The following NAV3 variants were observed in gnomAD, a reference collection of about 807,000 sequenced individuals.
NAV3 encodes pore membrane and/or filament interacting like protein 1.
In NAV3, 87 loss-of-function variants were observed where a neutral mutation model predicts 244.7. The ratio of observed to expected loss-of-function variants is 0.36; its 90% CI spans 0.30 to 0.42. NAV3 has a LOEUF of 0.42. Among genes scored for constraint, NAV3 ranks in the 20% least tolerant of loss-of-function variants. The pLI, the probability that NAV3 is intolerant of heterozygous loss-of-function variation, is 1.00. For missense variants in NAV3, 2,663 were observed against 2,893.3 expected, an observed-to-expected ratio of 0.92 and a Z score of 1.83; for synonymous variants, 1,126 against 1,042.2, an observed-to-expected ratio of 1.08 and a Z score of -1.55.
At chr12:78,198,583 T>G in intron 35 of NAV3, 22 bp from the exon 36 acceptor site, 1 of 1,442,696 alleles carries the variant, frequency 6.9e-7, no homozygotes, top group Non-Finnish European at 9.6e-7. Flanking sequence ...TAAATTAAAA[T>G]TTTCTATTTA....
At chr12:77,613,711 A>T (rs1229280275) in intron 2 of NAV3, among the ~76,000 whole-genome samples, 1 of 152,088 alleles carries the variant, frequency 6.6e-6, no homozygotes, top group Non-Finnish European at 1.5e-5. Flanking sequence ...TGGCCTTTTC[A>T]TAGTATAAAC....
intron 12 of NAV3, among the ~76,000 whole-genome samples, chr12:78,098,508 A>G (rs1037103633): frequency 2.6e-5 from 4 of 151,932 alleles, no homozygotes; most frequent in African/African-American, 9.7e-5. Flanking sequence ...AGGGATTCTC[A>G]CCTTTCAAAC....
At chr12:77,952,827 G>A (rs1281029251) in intron 3 of NAV3, among the ~76,000 whole-genome samples, 2 of 152,070 alleles carry the variant, frequency 1.3e-5, no homozygotes, top group East Asian at 3.8e-4. Context: ...GTGGTCTTGT[G>A]AAACAAATAA....
chr12:77,791,859 CTTA>C (rs1871191010), intron 2 of NAV3, among the ~76,000 whole-genome samples: 1 of 152,190 alleles, frequency 6.6e-6, no homozygotes, highest in Non-Finnish European at 1.5e-5. Context: ...CATTCTGTGA[CTTA>C]TTATAAGTAA....
chr12:77,913,737 T>G (rs927238012), intron 1 of NAV3, among the ~76,000 whole-genome samples: 1 of 152,140 alleles, frequency 6.6e-6, no homozygotes, highest in African/African-American at 2.4e-5. Context: ...TTTTACAGTC[T>G]CTCACTTAAG....
At position 77,691,329 on chromosome 12, in the gene NAV3, G is replaced by GTGTATATATA. The variant is rs1555195177; in HGVS notation, c.72+119064_72+119065insGTATATATAT. Among the ~76,000 whole-genome samples the GTGTATATATA allele has an allele frequency of 1.6e-3, 106 of 66,702 alleles. 2 individuals carry two copies. Among genetic ancestry groups the GTGTATATATA allele is most frequent in the Admixed American group, 2.5e-3 (13 of 5,142 alleles). 43.8% of individuals were successfully genotyped at this position (66,702 alleles called of 152,430 possible). ...TATATAGTCATATATAAGTATTTGT[G>GTGTATATATA]TATGTGTGTATATATATATATATAT... On this transcript the variant is annotated intron_variant, in intron 2 of 8. Transcript: ENST00000550042.
At position 78,021,762 on chromosome 12, in the gene NAV3, T is replaced by C. The variant is rs200251820; in HGVS notation, c.1923T>C (p.Asn641=). 134 of 1,607,948 alleles carry C rather than the reference T, an allele frequency of 8.3e-5. No individual in the cohort carries two copies. The African/African-American group carries it at 1.3e-3, about 16-fold the overall frequency. ...TTAATTTCAGGGCACATTCAGAAAA[T>C]GAAGGTACCGCTTTACCATCGGCTG... ...APFIYRAHSE[N]EGTALPSADS... is the part of the protein sequence containing the mutation. Residue 641 remains asparagine (N), a synonymous_variant, in exon 9 of 40, where the codon AAT becomes AAC. Coordinates refer to ENST00000397909, the MANE Select transcript of NAV3 (RefSeq NM_001024383.2).
intron 23 of NAV3, among the ~76,000 whole-genome samples, chr12:78,162,032 A>G (rs1167673245): frequency 6.6e-6 from 1 of 152,116 alleles, no homozygotes; most frequent in African/African-American, 2.4e-5. Context: ...CATAATTTAG[A>G]CTGAGGAGAA....
intron 38 of NAV3, 95 bp from the exon 39 acceptor site, chr12:78,204,840 C>A: frequency 9.3e-7 from 1 of 1,077,952 alleles, no homozygotes; most frequent in East Asian, 2.6e-5. Context: ...CTTAAGAACT[C>A]AATATGTCAA....
chr12:77,921,208 A>G (rs74659062), intron 1 of NAV3, among the ~76,000 whole-genome samples: 1 of 152,096 alleles, frequency 6.6e-6, no homozygotes, highest in South Asian at 2.1e-4. Context: ...GCCTGAGGAT[A>G]TGCATATTCA....
At chr12:78,127,690 A>G (rs907703884) in intron 17 of NAV3, among the ~76,000 whole-genome samples, 4 of 152,190 alleles carry the variant, frequency 2.6e-5, no homozygotes, top group African/African-American at 7.2e-5. Context: ...GGATGCTACA[A>G]TCTGAATCAA....
intron 2 of NAV3, among the ~76,000 whole-genome samples, chr12:77,625,885 T>C (rs559190659): frequency 2.6e-4 from 39 of 152,028 alleles, no homozygotes; most frequent in African/African-American, 9.2e-4. Flanking sequence ...ACAAGAAACA[T>C]GAAAAAGCAG....
intron 2 of NAV3, among the ~76,000 whole-genome samples, chr12:77,819,188 G>A (rs1872635213): frequency 6.6e-6 from 1 of 152,016 alleles, no homozygotes; most frequent in Admixed American, 6.6e-5. Flanking sequence ...ACTCATGCGT[G>A]CAATAGGTGT....
chr12:77,772,119 C>A (rs910258871), intron 2 of NAV3, among the ~76,000 whole-genome samples: 2 of 152,050 alleles, frequency 1.3e-5, no homozygotes, highest in Non-Finnish European at 2.9e-5. Context: ...TTATTAACTC[C>A]ATTTATAGAT....
At chr12:77,977,294 A>G (rs1368515845) in intron 5 of NAV3, among the ~76,000 whole-genome samples, 3 of 152,148 alleles carry the variant, frequency 2.0e-5, no homozygotes, top group African/African-American at 7.2e-5. Context: ...AGAGATGTAC[A>G]ATTTGTATGT....
intron 2 of NAV3, among the ~76,000 whole-genome samples, chr12:77,682,051 G>T (rs1296652259): frequency 6.6e-6 from 1 of 152,070 alleles, no homozygotes; most frequent in African/African-American, 2.4e-5. Context: ...ATTAACTGCA[G>T]TCACCATGAT....
At chr12:77,967,339 G>A (rs1487305030) in intron 4 of NAV3, among the ~76,000 whole-genome samples, 6 of 151,920 alleles carry the variant, frequency 3.9e-5, no homozygotes, top group Non-Finnish European at 8.8e-5. Flanking sequence ...AAATCTTTCA[G>A]GTTTATAGGA....
intron 2 of NAV3, among the ~76,000 whole-genome samples, chr12:77,589,101 C>T (rs746125186): frequency 1.3e-5 from 2 of 152,102 alleles, no homozygotes. Context: ...GGTACTAAGA[C>T]AAAAATTACT....
At chr12:77,943,788 T>C (rs1890087688) in intron 3 of NAV3, among the ~76,000 whole-genome samples, 1 of 152,192 alleles carries the variant, frequency 6.6e-6, no homozygotes, top group African/African-American at 2.4e-5. Flanking sequence ...TTGGTTGCTG[T>C]TGGTGCTTAA....
Sources: allele counts gnomAD v4.1 joint callset (sites outside exome capture counted in the v4.1 genomes callset), GRCh38; gene constraint gnomAD v4.1.1; transcripts MANE v1.5; gene names NCBI Gene and HGNC (gene_info 2026-07-23, HGNC 2026-07-21).